SYN3: variants seen among roughly 807,000 people sequenced by gnomAD.
SYN3 encodes synapsin-3.
Under a neutral mutation model 65.8 loss-of-function variants are expected in SYN3, and 35 were observed. The observed-to-expected ratio is 0.53, with a 90% CI of 0.41 to 0.70. The LOEUF is 0.70. SYN3 is among the 30% of genes least tolerant of loss of function. SYN3 has a pLI of 0.00. For synonymous variants in SYN3, 270 were observed against 292.9 expected (o/e 0.92, Z 0.80); for missense variants, 680 against 749.0 (o/e 0.91, Z 1.08).
At chr22:32,871,096 G>A (rs1469315768) in intron 4 of SYN3, among the ~76,000 whole-genome samples, 1 of 152,228 alleles carries the variant, frequency 6.6e-6, no homozygotes, top group African/African-American at 2.4e-5. Context: ...CAAACGTGGT[G>A]TCTTACTAAG....
intron 10 of SYN3, among the ~76,000 whole-genome samples, 165 bp downstream of exon 10, chr22:32,533,628 T>G (rs2058113608): frequency 6.6e-6 from 1 of 152,140 alleles, no homozygotes; most frequent in Non-Finnish European, 1.5e-5. Context: ...TCGATGCCTC[T>G]GAGGGTGGGA....
chr22:32,958,687 A>G (rs1169489637), intron 3 of SYN3, among the ~76,000 whole-genome samples: 1 of 152,224 alleles, frequency 6.6e-6, no homozygotes, highest in Non-Finnish European at 1.5e-5. Context: ...CTGGTGAGAC[A>G]GGCCTTATTA....
rs1187260288 is a variant in SYN3 at position 32,641,797 on chromosome 22, A to T, written c.712-45061T>A. Among the ~76,000 whole-genome samples the T allele has an allele frequency of 4.6e-5, 7 of 152,186 alleles. No homozygotes were observed. In the South Asian group the frequency reaches 1.0e-3, roughly 23 times the overall value. On this transcript the variant is annotated intron_variant, in intron 6 of 13. Transcript: ENST00000358763. ...CTTAATACTACACTTAAAGTGGGTA[A>T]ATTGTATTGTAAGTGACTTATATCT... is the stretch of plus-strand genomic sequence containing the variant.
chr22:33,027,803 G>A (rs760582551), intron 1 of SYN3, among the ~76,000 whole-genome samples: 2 of 152,264 alleles, frequency 1.3e-5, no homozygotes, highest in East Asian at 1.9e-4. Flanking sequence ...TTGTTGTGCC[G>A]AAAATTCTCA....
intron 6 of SYN3, among the ~76,000 whole-genome samples, chr22:32,696,180 C>T (rs1349644119): frequency 6.6e-6 from 1 of 152,142 alleles, no homozygotes; most frequent in Non-Finnish European, 1.5e-5. Context: ...CTTGGAGTAC[C>T]CTGAATTCTA....
At chr22:32,694,732 C>T (rs186435590) in intron 6 of SYN3, among the ~76,000 whole-genome samples, 1 of 152,258 alleles carries the variant, frequency 6.6e-6, no homozygotes, top group East Asian at 1.9e-4. Flanking sequence ...ATCCTAGAAC[C>T]AATCCTCTAT....
intron 6 of SYN3, among the ~76,000 whole-genome samples, chr22:32,687,448 G>GC (rs111545779): frequency 1 from 152,001 of 152,228 alleles, 75,888 homozygotes; most frequent in Middle Eastern, 1. Context: ...ACAGGCATGA[G>GC]CACCACGCCC....
At chr22:32,718,305 T>G (rs2061067076) in intron 6 of SYN3, among the ~76,000 whole-genome samples, 1 of 152,048 alleles carries the variant, frequency 6.6e-6, no homozygotes, top group Non-Finnish European at 1.5e-5. Flanking sequence ...CTCCACCAAG[T>G]CCACCATGAT....
chr22:32,925,382 G>A (rs1020392136), intron 4 of SYN3, among the ~76,000 whole-genome samples: 15 of 152,300 alleles, frequency 9.8e-5, no homozygotes, highest in African/African-American at 3.4e-4. Flanking sequence ...GAGGTACTAC[G>A]AGTTGAGACT....
chr22:32,685,699 G>A (rs1485625217), intron 6 of SYN3, among the ~76,000 whole-genome samples: 8 of 152,282 alleles, frequency 5.3e-5, no homozygotes, highest in Admixed American at 2.6e-4. Context: ...ACATAATGAC[G>A]AAATTGGCTA....
chr22:32,868,600 C>T lies in SYN3; in HGVS notation c.621+366G>A, dbSNP rs137490. Among the ~76,000 whole-genome samples the T allele has an allele frequency of 2.2e-4, 33 of 151,448 alleles. 1 individual carries two copies. The highest frequency in any genetic ancestry group is 1.8e-3 in the Admixed American group (27 of 15,186). ...GGATTACAGCGGGATTACAGACATG[C>T]GCCACCATGCCTGGCTAATTTTGTA... On this transcript the variant is annotated intron_variant, in intron 5 of 13. Transcript: ENST00000358763.
intron 4 of SYN3, 104 bp downstream of exon 4, chr22:32,931,286 T>C (rs2050621205): frequency 4.0e-6 from 3 of 751,934 alleles, no homozygotes; most frequent in South Asian, 3.0e-5. Context: ...GGAAAGTACA[T>C]GTGGCAAAGG....
intron 8 of SYN3, among the ~76,000 whole-genome samples, chr22:32,539,899 C>T (rs1473055560): frequency 6.6e-6 from 1 of 152,016 alleles, no homozygotes; most frequent in Non-Finnish European, 1.5e-5. Context: ...CAGGAACGCA[C>T]TGGAATGGGC....
intron 7 of SYN3, among the ~76,000 whole-genome samples, chr22:32,578,192 TTCTTTCTC>T (rs1470685740): frequency 6.6e-6 from 1 of 151,990 alleles, no homozygotes; most frequent in South Asian, 2.1e-4. Flanking sequence ...TTCTCTTTCT[TTCTTTCTC>T]TCTCTTTCTT....
chr22:32,877,861 C>T (rs564972769), intron 4 of SYN3, among the ~76,000 whole-genome samples: 1 of 152,278 alleles, frequency 6.6e-6, no homozygotes, highest in South Asian at 2.1e-4. Context: ...CATCTCCATT[C>T]AGGGACTTCC....
chr22:32,936,062 T>C (rs1452066007), intron 3 of SYN3, among the ~76,000 whole-genome samples: 3 of 152,184 alleles, frequency 2.0e-5, no homozygotes, highest in Non-Finnish European at 4.4e-5. Flanking sequence ...ACTGAAAGCA[T>C]CCAAACTGGT....
At chr22:32,925,011 G>A (rs2050431254) in intron 4 of SYN3, among the ~76,000 whole-genome samples, 1 of 152,138 alleles carries the variant, frequency 6.6e-6, no homozygotes, top group South Asian at 2.1e-4. Context: ...TGGACCGCTT[G>A]AGCCCAGGAG....
chr22:32,796,309 C>G (rs1463430186), intron 6 of SYN3, among the ~76,000 whole-genome samples: 1 of 152,160 alleles, frequency 6.6e-6, no homozygotes, highest in African/African-American at 2.4e-5. Flanking sequence ...TACAACATGG[C>G]TTTACTGCAC....
chr22:32,972,930 G>C (rs1294501198), intron 3 of SYN3, among the ~76,000 whole-genome samples: 1 of 152,138 alleles, frequency 6.6e-6, no homozygotes, highest in Non-Finnish European at 1.5e-5. Context: ...GATCACTTGA[G>C]CCCAGGAGTT....
Sources: allele counts gnomAD v4.1 joint callset (sites outside exome capture counted in the v4.1 genomes callset), GRCh38; gene constraint gnomAD v4.1.1; transcripts MANE v1.5; gene names NCBI Gene and HGNC (gene_info 2026-07-23, HGNC 2026-07-21).